PIEZO2: variants seen among roughly 807,000 people sequenced by gnomAD.
The protein encoded by PIEZO2 is piezo type mechanosensitive ion channel component 2.
In PIEZO2, 172 loss-of-function variants were observed where a neutral mutation model predicts 337.3. The ratio of observed to expected loss-of-function variants is 0.51; its 90% CI spans 0.45 to 0.58. The LOEUF (loss-of-function observed/expected upper bound fraction) is 0.58, where lower values mean the gene tolerates loss of function less well. PIEZO2 is among the 20% of genes least tolerant of loss of function. The pLI is 0.00. For synonymous variants in PIEZO2, 1,251 were observed against 1,228.5 expected (o/e 1.02, Z -0.38); for missense variants, 3,028 against 3,391.3 (o/e 0.89, Z 2.66).
intron 36 of PIEZO2, among the ~76,000 whole-genome samples, chr18:10,725,867 G>A (rs1268732560): frequency 1.3e-5 from 2 of 152,176 alleles, no homozygotes; most frequent in Non-Finnish European, 2.9e-5. Context: ...GAGGACACAC[G>A]GCGCCTGGTT....
chr18:10,678,810 G>A (rs1567939133), intron 52 of PIEZO2, among the ~76,000 whole-genome samples: 1 of 152,064 alleles, frequency 6.6e-6, no homozygotes, highest in East Asian at 1.9e-4. Flanking sequence ...CTCTCAGGAA[G>A]TCTCTCTCTT....
intron 1 of PIEZO2, among the ~76,000 whole-genome samples, chr18:11,115,412 G>A (rs1294959386): frequency 1.3e-5 from 2 of 152,142 alleles, no homozygotes; most frequent in Non-Finnish European, 2.9e-5. Flanking sequence ...ATGAAGGATA[G>A]GTTTTAAATT....
chr18:10,753,999 G>T (rs149638087), intron 27 of PIEZO2, among the ~76,000 whole-genome samples: 5 of 152,268 alleles, frequency 3.3e-5, no homozygotes, highest in South Asian at 2.1e-4. Context: ...AAGTGTGTGT[G>T]GTTTGAATTC....
chr18:10,874,136 C>T (rs895186706), intron 4 of PIEZO2, among the ~76,000 whole-genome samples: 1 of 151,876 alleles, frequency 6.6e-6, no homozygotes, highest in African/African-American at 2.4e-5. Context: ...AATAAACAAC[C>T]AATTAAAAAC....
chr18:10,771,224 C>G (rs1344841856), intron 20 of PIEZO2, among the ~76,000 whole-genome samples: 1 of 152,232 alleles, frequency 6.6e-6, no homozygotes. Context: ...GTGAACCAGT[C>G]AGAGCCCTGC....
Position 10,770,174 on chromosome 18 carries a change from A to T in PIEZO2, c.2920T>A (p.Tyr974Asn). The change falls in exon 21 of 56, where the codon TAC becomes AAC. Residue 974 changes from tyrosine to asparagine, a missense_variant. Physicochemically the swap from Tyr to Asn is moderately radical, Grantham distance 143. Around this residue, in one of 5 missense-constraint regions of PIEZO2, gnomAD observed 1,925 missense variants for 2,051.9 expected, o/e 0.94. Transcript: ENST00000674853. ...TCTTTCACAGAAACCCAGATAATGT[A>T]AGAGGAAACGATTTTGATGATGTGC... is the stretch of plus-strand genomic sequence containing the variant. ...ELHIIKIVSS[Y>N]IIWVSVKEVS... 1 of 1,537,262 alleles carries T rather than the reference A, an allele frequency of 6.5e-7. No individual in the cohort carries two copies. Among genetic ancestry groups the T allele is most frequent in the African/African-American group, 1.4e-5 (1 of 73,156 alleles).
Position 10,748,554 on chromosome 18 carries a change from G to A in PIEZO2, c.4341C>T (p.Leu1447=), listed in dbSNP as rs781039181. 22 of 1,536,406 alleles carry A rather than the reference G, an allele frequency of 1.4e-5. No individual in the cohort carries two copies. The South Asian group carries it at 2.6e-4, about 18-fold the overall frequency. ...TCATGAAAACTCTTCTTTGCAGCAG[G>A]AGGAAGGCAAAACATATGCTGTCCC... ...IIWDSICFAF[L]LLQRRVFMSY... is the part of the protein sequence containing the mutation. Residue 1447 remains leucine, a synonymous_variant, in exon 30 of 56, where the codon CTC becomes CTT. Coordinates refer to ENST00000674853, the MANE Select transcript of PIEZO2 (RefSeq NM_001378183.1). This position sits in a 1 kb window ranked among gnomAD's most constrained non-coding sequence, Gnocchi z 5.1.
At chr18:10,731,603 G>T in intron 35 of PIEZO2, 82 bp from the exon 36 acceptor site, 1 of 860,620 alleles carries the variant, frequency 1.2e-6, no homozygotes, top group Non-Finnish European at 1.6e-6. Flanking sequence ...CCTGACTTTT[G>T]AAATATTTTT....
intron 3 of PIEZO2, among the ~76,000 whole-genome samples, chr18:10,915,930 CAG>C (rs1355037192): frequency 9.5e-4 from 1 of 1,056 alleles, no homozygotes; most frequent in African/African-American, 7.0e-3. Flanking sequence ...TAGCTAGACA[CAG>C]AGTGCTGATT....
At chr18:10,961,587 T>TA (rs1568242812) in intron 3 of PIEZO2, among the ~76,000 whole-genome samples, 1 of 151,912 alleles carries the variant, frequency 6.6e-6, no homozygotes, top group Admixed American at 6.6e-5. Flanking sequence ...ATAAAAATTT[T>TA]AAAAAAAGAA....
Position 11,101,637 on chromosome 18 carries a change from C to A in PIEZO2, c.65-35415G>T, listed in dbSNP as rs898810793. Among the ~76,000 whole-genome samples, 2 of 152,112 alleles carry A rather than the reference C, an allele frequency of 1.3e-5. No homozygotes were observed. Among genetic ancestry groups the A allele is most frequent in the Non-Finnish European group, 2.9e-5 (2 of 68,014 alleles). Reference sequence around the variant, plus strand: ...CCCCCATGACATTCTATTTCTCAAACCTGTCAATTTGAAAAACCGATGACT... The same window carrying A: ...CCCCCATGACATTCTATTTCTCAAAACTGTCAATTTGAAAAACCGATGACT... On this transcript the variant is annotated intron_variant, in intron 1 of 55. Coordinates refer to ENST00000674853, the MANE Select transcript of PIEZO2 (RefSeq NM_001378183.1). The surrounding 1 kb of genome is among the most constrained non-coding windows in gnomAD (Gnocchi z 4.4).
At chr18:10,679,321 C>T (rs1252568840) in intron 52 of PIEZO2, among the ~76,000 whole-genome samples, 4 of 152,196 alleles carry the variant, frequency 2.6e-5, no homozygotes, top group African/African-American at 9.6e-5. Context: ...TAAATCATCA[C>T]CTTGCCTCTC....
intron 33 of PIEZO2, among the ~76,000 whole-genome samples, chr18:10,737,293 A>AC (rs2037040884): frequency 6.9e-6 from 1 of 145,236 alleles, no homozygotes; most frequent in African/African-American, 2.9e-5. Context: ...TTGAAAAAAA[A>AC]AAAACAAAAA....
chr18:11,141,420 C>T (rs2146283305), intron 1 of PIEZO2, among the ~76,000 whole-genome samples: 1 of 152,256 alleles, frequency 6.6e-6, no homozygotes, highest in East Asian at 1.9e-4. Flanking sequence ...GAAGGCACAT[C>T]TAGCACCACA....
rs560316820 is a variant in PIEZO2 at position 11,102,555 on chromosome 18, G to A, written c.65-36333C>T. On this transcript the variant is annotated intron_variant, in intron 1 of 55. Coordinates refer to ENST00000674853, the MANE Select transcript of PIEZO2 (RefSeq NM_001378183.1). The surrounding 1 kb of genome is among the most constrained non-coding windows in gnomAD (Gnocchi z 5.7). Reference sequence around the variant, plus strand: ...TGGGGCTATGGGGAGAGGAAGCATCGGGGGTGAAGCATCATGCCAGCTTGT... The same window carrying A: ...TGGGGCTATGGGGAGAGGAAGCATCAGGGGTGAAGCATCATGCCAGCTTGT... Among the ~76,000 whole-genome samples, 33 of 152,308 alleles carry A rather than the reference G, an allele frequency of 2.2e-4. No individual in the cohort carries two copies. The highest frequency in any genetic ancestry group is 2.0e-3 in the Admixed American group (30 of 15,304).
chr18:10,816,401 A>G (rs1383100976), intron 7 of PIEZO2, among the ~76,000 whole-genome samples: 4 of 152,224 alleles, frequency 2.6e-5, no homozygotes, highest in African/African-American at 9.6e-5. Flanking sequence ...GGCCATGTTC[A>G]GATTATTATA....
intron 4 of PIEZO2, among the ~76,000 whole-genome samples, chr18:10,882,485 T>G (rs552120460): frequency 1.3e-5 from 2 of 152,352 alleles, no homozygotes; most frequent in East Asian, 3.9e-4. Context: ...ATTAAAAATC[T>G]AATATATTAA....
rs1016810932 is a variant in PIEZO2, at chr18:11,028,245, T to C, written c.160+37882A>G. 7.2e-5 allele frequency among the ~76,000 whole-genome samples: 11 copies of C among 152,036 alleles called. No individual in the cohort carries two copies. The highest frequency in any genetic ancestry group is 2.7e-4 in the African/African-American group (11 of 41,386). ...TTTCTTTTCTTTTCTTTTCTTCTTC[T>C]TCTTCTTTATTTTTTATTATTTTTT... On this transcript the variant is annotated intron_variant, in intron 2 of 55. Coordinates refer to ENST00000674853, the MANE Select transcript of PIEZO2 (RefSeq NM_001378183.1). The surrounding 1 kb of genome is among the most constrained non-coding windows in gnomAD (Gnocchi z 4.8).
chr18:10,803,504 C>T (rs559974629), intron 9 of PIEZO2, among the ~76,000 whole-genome samples: 20 of 152,250 alleles, frequency 1.3e-4, no homozygotes, highest in African/African-American at 4.1e-4. Context: ...ACCAAATACC[C>T]GACAGAGTAA....
Sources: gnomAD v4.1 joint callset for allele counts (sites outside exome capture counted in the v4.1 genomes callset) on GRCh38, gnomAD v4.1.1 for gene constraint, gnomAD v4.1.1 regional missense constraint, Gnocchi (gnomAD v3.1) non-coding constraint, MANE v1.5 for transcripts, NCBI Gene and HGNC (gene_info 2026-07-23, HGNC 2026-07-21) for gene names.